Variants in DNER observed in about 807,000 individuals in gnomAD.
DNER encodes delta and Notch-like epidermal growth factor-related receptor.
DNER carries 33 observed loss-of-function variants against 78.2 expected under a neutral mutation model. That is an observed-to-expected ratio of 0.42 (90% CI 0.32 to 0.56). The LOEUF is 0.56. DNER is among the 20% of genes least tolerant of loss of function. DNER has a pLI of 0.11. For synonymous variants in DNER, 417 were observed against 384.8 expected (o/e 1.08, Z -0.98); for missense variants, 918 against 975.3 (o/e 0.94, Z 0.78).
chr2:229,704,726 T>C (rs1699798942), intron 1 of DNER, among the ~76,000 whole-genome samples: 1 of 152,226 alleles, frequency 6.6e-6, no homozygotes, highest in African/African-American at 2.4e-5. Context: ...GCGGTGGTGT[T>C]ACACACCTAT....
intron 1 of DNER, among the ~76,000 whole-genome samples, chr2:229,638,319 T>C (rs1698560294): frequency 6.6e-6 from 1 of 152,190 alleles, no homozygotes; most frequent in Admixed American, 6.5e-5. Flanking sequence ...ATAATTGCAG[T>C]CTAGTACAGA....
chr2:229,552,287 G>A (rs1696759519), intron 4 of DNER, among the ~76,000 whole-genome samples: 1 of 152,188 alleles, frequency 6.6e-6, no homozygotes, highest in Non-Finnish European at 1.5e-5. Context: ...CCTGAAGGAT[G>A]GAATTAACCT....
intron 6 of DNER, among the ~76,000 whole-genome samples, chr2:229,496,916 A>C (rs1394910285): frequency 2.0e-5 from 3 of 152,162 alleles, no homozygotes; most frequent in Non-Finnish European, 2.9e-5. Context: ...ATCAATAAGA[A>C]AACACCAGAG....
intron 10 of DNER, among the ~76,000 whole-genome samples, chr2:229,403,623 A>C (rs1693318048): frequency 6.6e-6 from 1 of 152,168 alleles, no homozygotes; most frequent in Non-Finnish European, 1.5e-5. Flanking sequence ...CTTGTTTTCA[A>C]AAAGCAGTTA....
intron 1 of DNER, among the ~76,000 whole-genome samples, chr2:229,617,275 T>C (rs1477322567): frequency 6.6e-6 from 1 of 152,240 alleles, no homozygotes; most frequent in Non-Finnish European, 1.5e-5. Context: ...TTAGATCCAA[T>C]TTATTCAAAT....
At chr2:229,367,219 C>G (rs1233314659) in intron 11 of DNER, 100 bp from the exon 12 acceptor site, 2 of 1,491,266 alleles carry the variant, frequency 1.3e-6, no homozygotes, top group East Asian at 4.6e-5. Context: ...ACCTAAGGGC[C>G]ATTCAAACTT....
At chr2:229,499,819 G>A (rs1250139623) in intron 6 of DNER, among the ~76,000 whole-genome samples, 5 of 151,880 alleles carry the variant, frequency 3.3e-5, no homozygotes, top group African/African-American at 4.8e-5. Context: ...CAAACCACAC[G>A]TCTGATAAAG....
chr2:229,666,728 A>T (rs1201176245), intron 1 of DNER, among the ~76,000 whole-genome samples: 2 of 152,230 alleles, frequency 1.3e-5, no homozygotes, highest in Admixed American at 6.5e-5. Flanking sequence ...ATGACCCTCA[A>T]TAAAAACTGA....
intron 1 of DNER, among the ~76,000 whole-genome samples, chr2:229,608,905 G>A (rs1468220019): frequency 1.1e-4 from 16 of 152,138 alleles, no homozygotes; most frequent in Admixed American, 1.0e-3. Context: ...GTTTAAAATA[G>A]TTCATAATAA....
At chr2:229,652,911 C>T (rs1052455630) in intron 1 of DNER, among the ~76,000 whole-genome samples, 2 of 152,142 alleles carry the variant, frequency 1.3e-5, no homozygotes, top group Non-Finnish European at 1.5e-5. Flanking sequence ...CATGGAGAGG[C>T]GGCGGCATGG....
chr2:229,707,483 T>C (rs1699847776), intron 1 of DNER, among the ~76,000 whole-genome samples: 1 of 152,214 alleles, frequency 6.6e-6, no homozygotes. Flanking sequence ...TCATGTGCTT[T>C]CCTTCTCCTA....
chr2:229,541,829 TA>T (rs1696519595), intron 5 of DNER, among the ~76,000 whole-genome samples: 2 of 148,388 alleles, frequency 1.3e-5, no homozygotes, highest in South Asian at 4.2e-4. Flanking sequence ...GCCAGTTCCT[TA>T]AAACAAATCA....
chr2:229,482,258 T>C (rs1163556959), intron 6 of DNER, among the ~76,000 whole-genome samples: 2 of 152,208 alleles, frequency 1.3e-5, no homozygotes, highest in Non-Finnish European at 2.9e-5. Context: ...TCACTGCCTC[T>C]CACCAGGACT....
intron 1 of DNER, among the ~76,000 whole-genome samples, chr2:229,686,709 G>C (rs962126473): frequency 2.0e-5 from 3 of 152,202 alleles, no homozygotes; most frequent in Non-Finnish European, 4.4e-5. Flanking sequence ...TGATAGAGGA[G>C]TGACTGTTGG....
At chr2:229,574,681 G>C (rs1697267091) in intron 4 of DNER, among the ~76,000 whole-genome samples, 1 of 152,044 alleles carries the variant, frequency 6.6e-6, no homozygotes, top group Non-Finnish European at 1.5e-5. Context: ...ATAGACAATA[G>C]AGTCTTTTTC....
chr2:229,447,489 G>T lies in DNER; in HGVS notation c.1313C>A (p.Pro438Gln). ...ATAGCAGGTGCCGTTGTTCTGGCACGGAGACGAGGCGCAGGGGTCCACCTT... is the reference window on the plus strand; with the variant it reads ...ATAGCAGGTGCCGTTGTTCTGGCACTGAGACGAGGCGCAGGGGTCCACCTT... ...EEKVDPCASS[P>Q]CQNNGTCYVD... Residue 438 changes from proline (P) to glutamine (Q), a missense_variant, in exon 8 of 13, where the codon CCG (proline) becomes CAG (glutamine). Coordinates refer to ENST00000341772, the MANE Select transcript of DNER (RefSeq NM_139072.4). 1 of 1,614,154 alleles carries T rather than the reference G, an allele frequency of 6.2e-7. No homozygotes were observed. Among genetic ancestry groups the T allele is most frequent in the East Asian group, 2.2e-5 (1 of 44,880 alleles).
At chr2:229,541,946 CTTTATA>C (rs1285430705) in intron 5 of DNER, among the ~76,000 whole-genome samples, 8 of 145,120 alleles carry the variant, frequency 5.5e-5, no homozygotes, top group South Asian at 2.1e-4. Flanking sequence ...TTTATATATA[CTTTATA>C]TTTATATTTA....
At chr2:229,545,266 C>T (rs1190130439) in intron 5 of DNER, among the ~76,000 whole-genome samples, 1 of 152,254 alleles carries the variant, frequency 6.6e-6, no homozygotes, top group African/African-American at 2.4e-5. Flanking sequence ...CCTGGATCCA[C>T]CTGCAAAATA....
At chr2:229,546,875 A>T in intron 5 of DNER, 72 bp downstream of exon 5, 1 of 1,591,758 alleles carries the variant, frequency 6.3e-7, no homozygotes, top group Admixed American at 1.7e-5. Context: ...GAACACACAC[A>T]TACTTATGTA....
Sources: allele counts gnomAD v4.1 joint callset (sites outside exome capture counted in the v4.1 genomes callset), GRCh38; gene constraint gnomAD v4.1.1; transcripts MANE v1.5; gene names NCBI Gene and HGNC (gene_info 2026-07-23, HGNC 2026-07-21).